The following TENM3 variants were observed in gnomAD, a reference collection of about 807,000 sequenced individuals.
TENM3 encodes teneurin-3.
In TENM3, 63 loss-of-function variants were observed where a neutral mutation model predicts 255.1. The ratio of observed to expected loss-of-function variants is 0.25; its 90% CI spans 0.20 to 0.30. The LOEUF (loss-of-function observed/expected upper bound fraction) is 0.30. TENM3 is among the 10% of genes least tolerant of loss of function. TENM3 has a pLI of 1.00. For synonymous variants in TENM3, 1,306 were observed against 1,322.3 expected, an observed-to-expected ratio of 0.99 and a Z score of 0.27; for missense variants, 2,929 against 3,461.1, an observed-to-expected ratio of 0.85 and a Z score of 3.86.
chr4:181,688,621 T>C, the TENM3 span, among the ~76,000 whole-genome samples: 80 of 152,328 alleles, frequency 5.3e-4, 3 homozygotes, highest in South Asian at 0.016. Flanking sequence ...TAAATGTCAC[T>C]GTGGTCCACT....
chr4:181,791,269 TTA>T, the TENM3 span, among the ~76,000 whole-genome samples: 1 of 152,206 alleles, frequency 6.6e-6, no homozygotes, highest in African/African-American at 2.4e-5. Flanking sequence ...ATTGCCACAT[TTA>T]TATGATACAT....
intron 1 of TENM3, among the ~76,000 whole-genome samples, chr4:182,173,734 A>G (rs72696025): frequency 0.021 from 3,201 of 152,294 alleles, 58 homozygotes; most frequent in Non-Finnish European, 0.031. Flanking sequence ...GTCCTGAGAT[A>G]TGGGAAATAG....
At chr4:181,501,631 A>G in the TENM3 span, among the ~76,000 whole-genome samples, 3 of 150,336 alleles carry the variant, frequency 2.0e-5, no homozygotes, top group Non-Finnish European at 4.4e-5. Context: ...GCCCGCCTTG[A>G]CCTCCCAAAG....
At chr4:182,367,563 T>A (rs926304774) in intron 3 of TENM3, among the ~76,000 whole-genome samples, 1 of 151,896 alleles carries the variant, frequency 6.6e-6, no homozygotes, top group Admixed American at 6.6e-5. Context: ...GACAGGGCTC[T>A]GTAATGTGAG....
the TENM3 span, among the ~76,000 whole-genome samples, chr4:181,650,496 C>G: frequency 6.6e-6 from 1 of 152,138 alleles, no homozygotes; most frequent in African/African-American, 2.4e-5. Context: ...CATTTGGAGA[C>G]GGGGTGTTCA....
the TENM3 span, chr4:181,874,585 G>A: frequency 2.6e-5 from 4 of 152,368 alleles, no homozygotes; most frequent in Non-Finnish European, 5.9e-5. Context: ...TTAGCCCTCA[G>A]CCTCATGAAG....
chr4:182,050,601 C>A, the TENM3 span, among the ~76,000 whole-genome samples: 1 of 152,058 alleles, frequency 6.6e-6, no homozygotes, highest in Non-Finnish European at 1.5e-5. Flanking sequence ...GTCAGTAGTT[C>A]AAGACCAGCC....
At chr4:181,833,412 C>T in the TENM3 span, among the ~76,000 whole-genome samples, 2 of 152,156 alleles carry the variant, frequency 1.3e-5, no homozygotes, top group Non-Finnish European at 2.9e-5. Context: ...CCTCCAACCT[C>T]TCCATGTTAT....
intron 3 of TENM3, among the ~76,000 whole-genome samples, chr4:182,507,631 T>C (rs1736976925): frequency 6.6e-6 from 1 of 152,218 alleles, no homozygotes; most frequent in South Asian, 2.1e-4. Context: ...ACTCATTCTA[T>C]GGGAGAAGTT....
At chr4:182,170,194 A>G (rs1473650494) in intron 1 of TENM3, among the ~76,000 whole-genome samples, 1 of 152,010 alleles carries the variant, frequency 6.6e-6, no homozygotes, top group Admixed American at 6.6e-5. Context: ...TTTGCACAGA[A>G]GAAACTAGGG....
chr4:181,776,019 C>T, the TENM3 span, among the ~76,000 whole-genome samples: 1 of 151,998 alleles, frequency 6.6e-6, no homozygotes, highest in East Asian at 1.9e-4. Context: ...ACATCTTAGT[C>T]CCTCTTTCTG....
chr4:181,868,891 C>T, the TENM3 span, among the ~76,000 whole-genome samples: 2 of 152,054 alleles, frequency 1.3e-5, no homozygotes, highest in Non-Finnish European at 2.9e-5. Context: ...GCCTTTCCAA[C>T]AGCCTCTTGA....
At chr4:181,857,780 G>A in the TENM3 span, among the ~76,000 whole-genome samples, 1 of 151,920 alleles carries the variant, frequency 6.6e-6, no homozygotes, top group South Asian at 2.1e-4. Flanking sequence ...AAAAGAGAGA[G>A]AGAGACTGGA....
Position 182,763,314 on chromosome 4 carries a change from A to G in TENM3, c.4892+8055A>G, listed in dbSNP as rs1579392980. Among the ~76,000 whole-genome samples the G allele has an allele frequency of 2.6e-5, 4 of 152,132 alleles. No homozygotes were observed. The East Asian group carries it at 7.7e-4, about 29-fold the overall frequency. On this transcript the variant is annotated intron_variant, in intron 22 of 27. Coordinates refer to ENST00000511685, the MANE Select transcript of TENM3 (RefSeq NM_001080477.4). The stretch of plus-strand genomic sequence containing the variant: ...GCGGTGGCTCACACCTGTAATCCCA[A>G]CAACACTTTGGGAGGCTGAGGCGGG...
chr4:181,617,754 C>T, the TENM3 span, among the ~76,000 whole-genome samples: 1 of 152,148 alleles, frequency 6.6e-6, no homozygotes, highest in Non-Finnish European at 1.5e-5. Flanking sequence ...GAAAATTTCT[C>T]CTTATGCCCT....
At chr4:182,723,435 T>C (rs1561160446) in intron 13 of TENM3, among the ~76,000 whole-genome samples, 3 of 152,186 alleles carry the variant, frequency 2.0e-5, no homozygotes, top group Admixed American at 1.3e-4. Flanking sequence ...AAGTACCAAA[T>C]ACTGTGGGGA....
chr4:182,350,877 G>T (rs1765124670), intron 3 of TENM3, among the ~76,000 whole-genome samples: 1 of 152,044 alleles, frequency 6.6e-6, no homozygotes, highest in Admixed American at 6.6e-5. Flanking sequence ...TAGAGACGGG[G>T]TTTCACCATG....
the TENM3 span, among the ~76,000 whole-genome samples, chr4:182,047,114 C>T: frequency 8.1e-4 from 123 of 151,968 alleles, no homozygotes; most frequent in African/African-American, 2.9e-3. Context: ...GAAAGATTAC[C>T]AGAGGTAAAT....
chr4:182,761,372 T>G (rs180879504), intron 22 of TENM3, among the ~76,000 whole-genome samples: 1 of 152,084 alleles, frequency 6.6e-6, no homozygotes, highest in Non-Finnish European at 1.5e-5. Context: ...TGAGCCAAGA[T>G]CACGCCACTG....
Sources: gnomAD v4.1 joint callset for allele counts (sites outside exome capture counted in the v4.1 genomes callset) on GRCh38, gnomAD v4.1.1 for gene constraint, MANE v1.5 for transcripts, NCBI Gene and HGNC (gene_info 2026-07-23, HGNC 2026-07-21) for gene names.